The following GALNT13 variants were observed in gnomAD, a reference collection of about 807,000 sequenced individuals.
GALNT13 encodes polypeptide N-acetylgalactosaminyltransferase 13, also known as UDP-GalNAc:polypeptide N-acetylgalactosaminyltransferase 13.
Under a neutral mutation model 64.2 loss-of-function variants are expected in GALNT13, and 28 were observed. The ratio of observed to expected loss-of-function variants is 0.44; its 90% CI spans 0.32 to 0.60. The LOEUF (loss-of-function observed/expected upper bound fraction) is 0.60, where lower values mean the gene tolerates loss of function less well. Among genes scored for constraint, GALNT13 ranks in the 20% least tolerant of loss-of-function variants. GALNT13 has a pLI of 0.05. For synonymous variants in GALNT13, 214 were observed against 224.6 expected (o/e 0.95, Z 0.42); for missense variants, 577 against 669.8 (o/e 0.86, Z 1.53).
In GALNT13 at chr2:153,881,135, T is replaced by C. The variant is rs573197365; in HGVS notation, c.-177+8832T>C. ...TTGTCTACTTTTAGAGTTGTGTGCT[T>C]GGGCCCTGTGGTCAGTTGGCAGGTG... On this transcript the variant is annotated intron_variant, in intron 1 of 12. Transcript: ENST00000392825. Among the ~76,000 whole-genome samples, 6 of 152,316 alleles carry C rather than the reference T, an allele frequency of 3.9e-5. No homozygotes were observed. The South Asian group carries it at 1.0e-3, about 26-fold the overall frequency.
intron 2 of GALNT13, among the ~76,000 whole-genome samples, chr2:153,907,958 T>G (rs1480870439): frequency 6.6e-6 from 1 of 152,088 alleles, no homozygotes; most frequent in Non-Finnish European, 1.5e-5. Flanking sequence ...GGTAATTTTG[T>G]TTTTAACTCT....
chr2:154,374,841 A>G (rs1697892013), intron 9 of GALNT13, among the ~76,000 whole-genome samples: 1 of 152,194 alleles, frequency 6.6e-6, no homozygotes. Flanking sequence ...AATATCTTTC[A>G]AAAAGACAAC....
chr2:153,353,767 T>A, the GALNT13 span, among the ~76,000 whole-genome samples: 1 of 152,172 alleles, frequency 6.6e-6, no homozygotes, highest in Non-Finnish European at 1.5e-5. Context: ...TTTTCAAATG[T>A]TGAACAAGTC....
chr2:153,148,119 C>T, the GALNT13 span, among the ~76,000 whole-genome samples: 1,014 of 151,914 alleles, frequency 6.7e-3, 12 homozygotes, highest in African/African-American at 0.022. Context: ...AAAGAAAAGC[C>T]GCTACTTCCT....
chr2:153,342,457 T>C, the GALNT13 span, among the ~76,000 whole-genome samples: 1 of 152,248 alleles, frequency 6.6e-6, no homozygotes, highest in African/African-American at 2.4e-5. Context: ...GTGTTCAATA[T>C]GTTGGGAGCT....
the GALNT13 span, among the ~76,000 whole-genome samples, chr2:153,821,554 C>G: frequency 1.9e-3 from 296 of 152,220 alleles, no homozygotes; most frequent in Non-Finnish European, 3.6e-3. Context: ...AACAGAGACA[C>G]AGCATACCAA....
chr2:153,529,104 A>G, the GALNT13 span, among the ~76,000 whole-genome samples: 3 of 152,004 alleles, frequency 2.0e-5, no homozygotes, highest in Non-Finnish European at 2.9e-5. Flanking sequence ...TGAAATGAAG[A>G]AAACAATACA....
intron 3 of GALNT13, among the ~76,000 whole-genome samples, chr2:154,117,704 C>T (rs973859320): frequency 6.6e-6 from 1 of 152,106 alleles, no homozygotes; most frequent in Non-Finnish European, 1.5e-5. Context: ...GCCAACTGAT[C>T]CTGGACAAAG....
At chr2:153,230,800 G>A in the GALNT13 span, among the ~76,000 whole-genome samples, 1 of 152,262 alleles carries the variant, frequency 6.6e-6, no homozygotes, top group South Asian at 2.1e-4. Context: ...AGGAAGGAAG[G>A]ACATAGGCTT....
chr2:153,687,116 G>GTT, the GALNT13 span, among the ~76,000 whole-genome samples: 1 of 152,008 alleles, frequency 6.6e-6, no homozygotes, highest in African/African-American at 2.4e-5. Context: ...TTGTGTGTGT[G>GTT]TGTCTCTGCC....
intron 3 of GALNT13, among the ~76,000 whole-genome samples, chr2:153,981,461 G>T (rs1243029964): frequency 6.6e-6 from 1 of 152,002 alleles, no homozygotes; most frequent in East Asian, 1.9e-4. Flanking sequence ...GTGAGAACAT[G>T]CGGTGTTTGG....
chr2:153,628,055 G>A, the GALNT13 span, among the ~76,000 whole-genome samples: 2 of 152,012 alleles, frequency 1.3e-5, no homozygotes, highest in African/African-American at 2.4e-5. Context: ...TCCTTGAAGC[G>A]GTCCTTCACG....
At chr2:153,700,397 C>A in the GALNT13 span, among the ~76,000 whole-genome samples, 3 of 152,170 alleles carry the variant, frequency 2.0e-5, no homozygotes, top group Non-Finnish European at 4.4e-5. Context: ...ACTGATTGGG[C>A]AAAAGCTGGA....
At chr2:153,739,644 T>TTTTA in the GALNT13 span, among the ~76,000 whole-genome samples, 1 of 148,726 alleles carries the variant, frequency 6.7e-6, no homozygotes, top group Non-Finnish European at 1.5e-5. Flanking sequence ...TTTTATTTTA[T>TTTTA]TTTTATTATT....
chr2:154,232,426 G>C (rs1472509218), intron 4 of GALNT13, among the ~76,000 whole-genome samples: 1 of 152,088 alleles, frequency 6.6e-6, no homozygotes, highest in African/African-American at 2.4e-5. Flanking sequence ...GGACGTTACT[G>C]CTTTAGACTT....
the GALNT13 span, among the ~76,000 whole-genome samples, chr2:153,211,556 G>A: frequency 6.6e-6 from 1 of 152,122 alleles, no homozygotes; most frequent in Admixed American, 6.5e-5. Flanking sequence ...ATTTTCATGA[G>A]ACGGGAACAG....
At chr2:153,720,359 G>A in the GALNT13 span, among the ~76,000 whole-genome samples, 27 of 150,364 alleles carry the variant, frequency 1.8e-4, no homozygotes, top group Non-Finnish European at 3.3e-4. Flanking sequence ...CAAAGATGGG[G>A]AAAAAACAGA....
chr2:153,396,999 G>T, the GALNT13 span, among the ~76,000 whole-genome samples: 1 of 152,172 alleles, frequency 6.6e-6, no homozygotes, highest in Non-Finnish European at 1.5e-5. Context: ...TGAAATGATG[G>T]CAAGCTATGA....
chr2:154,052,768 G>A (rs1026715973), intron 3 of GALNT13, among the ~76,000 whole-genome samples: 1 of 139,022 alleles, frequency 7.2e-6, no homozygotes, highest in Non-Finnish European at 1.5e-5. Context: ...ACGGAGTCTC[G>A]CTGTCTTGCC....
Sources: gnomAD v4.1 joint callset for allele counts (sites outside exome capture counted in the v4.1 genomes callset) on GRCh38, gnomAD v4.1.1 for gene constraint, MANE v1.5 for transcripts, NCBI Gene and HGNC (gene_info 2026-07-23, HGNC 2026-07-21) for gene names.